The following TMEM164 variants were observed in gnomAD, a reference collection of about 807,000 sequenced individuals.
TMEM164 encodes transmembrane protein 164.
In TMEM164, 4 loss-of-function variants were observed where a neutral mutation model predicts 18.8. The observed-to-expected ratio is 0.21, with a 90% confidence interval of 0.10 to 0.49. The LOEUF (loss-of-function observed/expected upper bound fraction) is 0.49, where lower values mean the gene tolerates loss of function less well. TMEM164 is among the 20% of genes least tolerant of loss of function. The pLI is 0.98. For synonymous variants in TMEM164, 86 were observed against 101.7 expected (o/e 0.85, Z 0.93); for missense variants, 108 against 239.9 (o/e 0.45, Z 3.63).
At chrX:110,102,741 A>G (rs1250983228) in intron 3 of TMEM164, among the ~76,000 whole-genome samples, 3 of 112,157 alleles carry the variant, frequency 2.7e-5, no homozygotes, top group Non-Finnish European at 3.8e-5. Context: ...TTGTGAGGCA[A>G]TTGACACATA....
intron 2 of TMEM164, among the ~76,000 whole-genome samples, chrX:110,010,939 C>G (rs982796441): frequency 8.9e-6 from 1 of 111,759 alleles, no homozygotes; most frequent in Non-Finnish European, 1.9e-5. Context: ...TATATCCCCC[C>G]GCTTTCCAGT....
At chrX:110,022,546 A>G (rs1003666775) in intron 2 of TMEM164, among the ~76,000 whole-genome samples, 2 of 111,475 alleles carry the variant, frequency 1.8e-5, no homozygotes, top group African/African-American at 6.5e-5. Flanking sequence ...TCTTTGTGCA[A>G]TGCTTCTTTT....
At chrX:110,110,186 C>T (rs2066271409) in intron 4 of TMEM164, among the ~76,000 whole-genome samples, 1 of 111,086 alleles carries the variant, frequency 9.0e-6, no homozygotes, top group African/African-American at 3.3e-5. Flanking sequence ...CTATGCTTTG[C>T]TCCCTCTCCA....
intron 3 of TMEM164, among the ~76,000 whole-genome samples, chrX:110,102,892 A>G (rs2066132979): frequency 8.9e-6 from 1 of 112,363 alleles, no homozygotes; most frequent in Non-Finnish European, 1.9e-5. Context: ...AAAAATTGTT[A>G]GCTTTTTGAG....
downstream of TMEM164, among the ~76,000 whole-genome samples, chrX:110,183,445 A>G (rs2067330643): frequency 8.9e-6 from 1 of 112,152 alleles, no homozygotes; most frequent in Non-Finnish European, 1.9e-5. Context: ...TTGTTAACTA[A>G]CCTCTGAGCC....
At chrX:110,140,484 G>A (rs1191982913) in intron 4 of TMEM164, among the ~76,000 whole-genome samples, 4 of 111,766 alleles carry the variant, frequency 3.6e-5, no homozygotes, top group Middle Eastern at 4.6e-3. Context: ...AAGTAGGGGC[G>A]TGGTGGGATC....
chrX:110,126,456 T>C lies in TMEM164; in HGVS notation c.507+17310T>C, dbSNP rs768395430. 6.2e-5 allele frequency among the ~76,000 whole-genome samples: 7 copies of C among 112,043 alleles called. No homozygotes were observed. In the East Asian group the frequency reaches 2.0e-3, roughly 32 times the overall value. ...TTTGGCTGGGAAAGAGACTTATCCA[T>C]AGCCTACTGCCTTTCAGGATTCTTT... On this transcript the variant is annotated intron_variant, in intron 4 of 6. Transcript: ENST00000372068.
chrX:110,020,491 A>G, intron 2 of TMEM164: 1 of 754,458 alleles, frequency 1.3e-6, no homozygotes, highest in Non-Finnish European at 1.6e-6. Flanking sequence ...GAGAAGAGAA[A>G]GAAGAAAAGT....
At chrX:110,093,600 G>A (rs769242172) in intron 3 of TMEM164, among the ~76,000 whole-genome samples, 10 of 111,703 alleles carry the variant, frequency 9.0e-5, no homozygotes, top group East Asian at 2.8e-4. Flanking sequence ...AGGCTTGATA[G>A]TGGTCTATCA....
At chrX:110,143,013 G>A (rs1340057940) in intron 4 of TMEM164, among the ~76,000 whole-genome samples, 1 of 112,286 alleles carries the variant, frequency 8.9e-6, no homozygotes, top group Non-Finnish European at 1.9e-5. Context: ...CCCTTGGCCC[G>A]GCTCCTTGGT....
chrX:110,084,460 T>G (rs2065820014), intron 3 of TMEM164, among the ~76,000 whole-genome samples: 2 of 74,387 alleles, frequency 2.7e-5, no homozygotes, highest in Non-Finnish European at 5.5e-5. Context: ...ATATATATAG[T>G]ATAGTATATA....
intron 4 of TMEM164, among the ~76,000 whole-genome samples, chrX:110,140,757 T>C (rs946942890): frequency 3.6e-5 from 4 of 112,578 alleles, no homozygotes; most frequent in African/African-American, 1.3e-4. Flanking sequence ...GGACTTTTTG[T>C]CTATAACCTC....
intron 5 of TMEM164, among the ~76,000 whole-genome samples, chrX:110,159,737 A>G (rs948987934): frequency 1.8e-5 from 2 of 111,579 alleles, no homozygotes; most frequent in Non-Finnish European, 3.8e-5. Context: ...TCTAGAAGCA[A>G]TAATGGAGGG....
At chrX:110,101,179 A>G (rs765079770) in intron 3 of TMEM164, among the ~76,000 whole-genome samples, 2 of 111,929 alleles carry the variant, frequency 1.8e-5, no homozygotes, top group East Asian at 5.6e-4. Flanking sequence ...CTTCAACTCA[A>G]CATGAGAAAT....
intron 4 of TMEM164, among the ~76,000 whole-genome samples, chrX:110,115,290 A>C (rs1469632395): frequency 8.9e-6 from 1 of 112,419 alleles, no homozygotes; most frequent in Non-Finnish European, 1.9e-5. Context: ...TATAGTTTGG[A>C]TTTTGGACCT....
chrX:110,164,480 G>C (rs1222268169), intron 5 of TMEM164, among the ~76,000 whole-genome samples: 1 of 111,154 alleles, frequency 9.0e-6, no homozygotes, highest in African/African-American at 3.3e-5. Context: ...TTGACTTGGA[G>C]ATTAGGGAGG....
chrX:110,065,817 T>C (rs1271251681), intron 2 of TMEM164, among the ~76,000 whole-genome samples: 9 of 111,998 alleles, frequency 8.0e-5, no homozygotes, highest in Non-Finnish European at 1.5e-4. Flanking sequence ...GGGAAACATA[T>C]GAATATTCAC....
Position 110,003,826 on chromosome X carries a change from G to A in TMEM164, c.52G>A (p.Asp18Asn). 8.3e-7 allele frequency: 1 copy of A among 1,210,863 alleles called. No individual in the cohort carries two copies. Among genetic ancestry groups the A allele is most frequent in the Non-Finnish European group, 1.1e-6 (1 of 895,083 alleles). Residue 18 changes from aspartate (D) to asparagine (N), a missense_variant, in exon 2 of 7, where the codon GAC becomes AAC. By Grantham distance (23) the Asp-to-Asn change is conservative. Coordinates refer to ENST00000372068, the MANE Select transcript of TMEM164 (RefSeq NM_032227.4). ...SLLDWLYGGVDPSFAGNGGPD... is the reference protein window; with the variant it reads ...SLLDWLYGGVNPSFAGNGGPD... ...CCTGGACTGGCTCTATGGGGGCGTGGACCCCAGTTTTGCAGGCAATGGGGG... is the reference window on the plus strand; with the variant it reads ...CCTGGACTGGCTCTATGGGGGCGTGAACCCCAGTTTTGCAGGCAATGGGGG...
intron 4 of TMEM164, among the ~76,000 whole-genome samples, chrX:110,133,230 AACCTCC>A (rs1261374918): frequency 9.0e-5 from 10 of 111,532 alleles, no homozygotes; most frequent in Non-Finnish European, 1.7e-4. Context: ...AGCTCACAGC[AACCTCC>A]ACCTCCCAGG....
Sources: allele counts gnomAD v4.1 joint callset (sites outside exome capture counted in the v4.1 genomes callset), GRCh38; gene constraint gnomAD v4.1.1; transcripts MANE v1.5; gene names NCBI Gene and HGNC (gene_info 2026-07-23, HGNC 2026-07-21).